The following GRID2 variants were observed in gnomAD, a reference collection of about 807,000 sequenced individuals.
GRID2 encodes the protein glutamate receptor ionotropic, delta-2.
Under a neutral mutation model 114.8 loss-of-function variants are expected in GRID2, and 33 were observed. The observed-to-expected ratio is 0.29, with a 90% CI of 0.22 to 0.38. The LOEUF is 0.38. GRID2 is among the 10% of genes least tolerant of loss of function. The probability of loss-of-function intolerance (pLI) is 1.00; values close to 1 mark genes in which losing one functional copy is unlikely to be tolerated. For missense variants in GRID2, 1,184 were observed against 1,257.7 expected (o/e 0.94, Z 0.89); for synonymous variants, 505 against 449.9 (o/e 1.12, Z -1.55).
chr4:93,678,360 A>G (rs1473965886), intron 14 of GRID2, among the ~76,000 whole-genome samples: 1 of 152,208 alleles, frequency 6.6e-6, no homozygotes, highest in Non-Finnish European at 1.5e-5. Flanking sequence ...TCTGCAGGAT[A>G]TTATCCAGGA....
At chr4:92,510,000 T>C (rs1411922372) in intron 1 of GRID2, among the ~76,000 whole-genome samples, 1 of 151,924 alleles carries the variant, frequency 6.6e-6, no homozygotes, top group Admixed American at 6.6e-5. Context: ...AATGTCATAT[T>C]CTGACATATA....
At chr4:93,166,163 T>A (rs1256686757) in intron 4 of GRID2, 3 of 152,112 alleles carry the variant, frequency 2.0e-5, no homozygotes, top group Non-Finnish European at 4.4e-5. Flanking sequence ...CTAACATACG[T>A]GAGTAAAGAT....
chr4:93,731,778 C>A (rs962849993), intron 14 of GRID2, among the ~76,000 whole-genome samples: 1 of 152,154 alleles, frequency 6.6e-6, no homozygotes, highest in Non-Finnish European at 1.5e-5. Flanking sequence ...AGACTAGACA[C>A]TTTCCACCAC....
intron 11 of GRID2, among the ~76,000 whole-genome samples, chr4:93,474,598 A>C (rs1037668762): frequency 1.1e-4 from 16 of 152,136 alleles, no homozygotes; most frequent in Non-Finnish European, 2.9e-5. Flanking sequence ...AGGAGAATAG[A>C]GGGAGAAAAC....
At chr4:92,844,131 T>A (rs2149413591) in intron 2 of GRID2, among the ~76,000 whole-genome samples, 1 of 152,276 alleles carries the variant, frequency 6.6e-6, no homozygotes, top group African/African-American at 2.4e-5. Flanking sequence ...ATTTATTAAA[T>A]TCAACAAGGA....
chr4:93,287,020 A>AAT (rs1554025476), intron 8 of GRID2, among the ~76,000 whole-genome samples: 1 of 152,076 alleles, frequency 6.6e-6, no homozygotes, highest in Non-Finnish European at 1.5e-5. Flanking sequence ...GGTAAGAAAA[A>AAT]ATATATATGA....
intron 12 of GRID2, among the ~76,000 whole-genome samples, chr4:93,492,821 T>C (rs1394144109): frequency 6.6e-6 from 1 of 151,854 alleles, no homozygotes; most frequent in African/African-American, 2.4e-5. Flanking sequence ...CACAATCAAA[T>C]GCACCACCCA....
At chr4:92,455,669 G>T (rs933832034) in intron 1 of GRID2, among the ~76,000 whole-genome samples, 2 of 152,138 alleles carry the variant, frequency 1.3e-5, no homozygotes, top group Non-Finnish European at 2.9e-5. Context: ...GTCTAGGTAG[G>T]GTTTGGAAAG....
At chr4:92,909,371 G>A (rs1025332947) in intron 2 of GRID2, among the ~76,000 whole-genome samples, 1 of 150,830 alleles carries the variant, frequency 6.6e-6, no homozygotes, top group Non-Finnish European at 1.5e-5. Flanking sequence ...TTTTTAAGTA[G>A]CTATTCCATT....
intron 1 of GRID2, among the ~76,000 whole-genome samples, chr4:92,532,876 CA>C (rs2149152837): frequency 6.6e-6 from 1 of 152,036 alleles, no homozygotes; most frequent in South Asian, 2.1e-4. Context: ...AGTTCAAGAC[CA>C]GTCCTGGCAA....
chr4:93,510,865 A>G (rs1482033200), intron 12 of GRID2, among the ~76,000 whole-genome samples: 1 of 152,216 alleles, frequency 6.6e-6, no homozygotes, highest in Non-Finnish European at 1.5e-5. Context: ...AACCTACTCA[A>G]TGTTAAAGCT....
intron 9 of GRID2, among the ~76,000 whole-genome samples, chr4:93,413,012 T>G (rs556663429): frequency 6.6e-6 from 1 of 152,284 alleles, no homozygotes; most frequent in East Asian, 1.9e-4. Context: ...GGCATTTGGG[T>G]TGGTTCCAAG....
chr4:93,401,889 A>G (rs1379419548), intron 9 of GRID2, among the ~76,000 whole-genome samples: 1 of 151,578 alleles, frequency 6.6e-6, no homozygotes, highest in African/African-American at 2.4e-5. Context: ...TCTTTTTCCT[A>G]AAAAATATCC....
intron 2 of GRID2, among the ~76,000 whole-genome samples, chr4:93,028,426 G>A (rs960437593): frequency 2.0e-5 from 3 of 151,834 alleles, no homozygotes; most frequent in Admixed American, 1.3e-4. Flanking sequence ...AGAGTGCCAG[G>A]GTAGTAAGAA....
intron 2 of GRID2, among the ~76,000 whole-genome samples, chr4:92,593,208 A>G (rs1251264082): frequency 1.3e-5 from 2 of 152,082 alleles, no homozygotes; most frequent in Non-Finnish European, 2.9e-5. Context: ...AAATAGCATC[A>G]TCAAACATAT....
At chr4:93,701,791 C>G (rs1277483592) in intron 14 of GRID2, among the ~76,000 whole-genome samples, 4 of 151,932 alleles carry the variant, frequency 2.6e-5, no homozygotes, top group African/African-American at 4.8e-5. Flanking sequence ...GAGTTCAAGT[C>G]TATCCTAAGC....
chr4:93,666,655 A>G (rs1723976503), intron 14 of GRID2, among the ~76,000 whole-genome samples: 1 of 152,054 alleles, frequency 6.6e-6, no homozygotes, highest in African/African-American at 2.4e-5. Context: ...CATGGTGTTG[A>G]TATGGTTTTT....
chr4:93,770,758 G>T (rs908005643), intron 15 of GRID2, among the ~76,000 whole-genome samples: 1 of 152,114 alleles, frequency 6.6e-6, no homozygotes, highest in African/African-American at 2.4e-5. Flanking sequence ...AATCTGGAAA[G>T]TAAGGACTCC....
At chr4:93,687,654 A>C (rs1726191858) in intron 14 of GRID2, among the ~76,000 whole-genome samples, 1 of 152,032 alleles carries the variant, frequency 6.6e-6, no homozygotes, top group South Asian at 2.1e-4. Flanking sequence ...TGAGGAGAGA[A>C]GTTTGGGGAG....
Sources: gnomAD v4.1 joint callset for allele counts (sites outside exome capture counted in the v4.1 genomes callset) on GRCh38, gnomAD v4.1.1 for gene constraint, MANE v1.5 for transcripts, NCBI Gene and HGNC (gene_info 2026-07-23, HGNC 2026-07-21) for gene names.